The following GDPD5 variants were observed in gnomAD, a reference collection of about 807,000 sequenced individuals.
GDPD5 encodes glycerophosphodiester phosphodiesterase domain containing 5.
A neutral mutation model predicts 75.1 loss-of-function variants in GDPD5; 48 were observed. That is an observed-to-expected ratio of 0.64 (90% CI 0.51 to 0.81). The LOEUF (loss-of-function observed/expected upper bound fraction) is 0.81. GDPD5 is among the 40% of genes least tolerant of loss of function. The probability of loss-of-function intolerance (pLI) is 0.00; values close to 1 mark genes in which losing one functional copy is unlikely to be tolerated. For missense variants in GDPD5, 706 were observed against 822.6 expected (o/e 0.86, Z 1.73); for synonymous variants, 336 against 339.0 (o/e 0.99, Z 0.10).
In GDPD5 at chr11:75,435,268, C is replaced by T. The variant is rs1403463147; in HGVS notation, c.*239G>A. ...GGGGGACCAAGCCCTAGGCCCCATA[C>T]TTCCCAGAAGGAGCCCCAGGCCTGC... On this transcript the variant is annotated 3_prime_UTR_variant, in exon 17 of 17. Coordinates refer to ENST00000336898, the MANE Select transcript of GDPD5 (RefSeq NM_030792.8). 4.4e-6 allele frequency: 2 copies of T among 451,552 alleles called. No homozygotes were observed. The highest frequency in any genetic ancestry group is 7.9e-6 in the Non-Finnish European group (2 of 252,236). 28.0% of individuals were successfully genotyped at this position (451,552 alleles called of 1,614,324 possible).
chr11:75,523,601 T>TTG (rs1941548682), intron 1 of GDPD5, among the ~76,000 whole-genome samples: 2 of 152,224 alleles, frequency 1.3e-5, no homozygotes, highest in Non-Finnish European at 2.9e-5. Flanking sequence ...CATGGATGCA[T>TTG]CAAGAGGTCA....
At chr11:75,447,257 C>T (rs1949008766) in intron 9 of GDPD5, among the ~76,000 whole-genome samples, 3 of 152,128 alleles carry the variant, frequency 2.0e-5, no homozygotes. Flanking sequence ...CATTTGGATC[C>T]TGATTTTTAA....
At position 75,441,814 on chromosome 11, in the gene GDPD5, AAG is replaced by A. The variant is rs1205075090; in HGVS notation, c.1168-13_1168-12del. 3.7e-6 allele frequency: 6 copies of A among 1,602,900 alleles called. No homozygotes were observed. The African/African-American group carries it at 8.0e-5, about 21-fold the overall frequency. On this transcript the variant is annotated splice_polypyrimidine_tract_variant and intron_variant, in intron 12 of 16. Transcript: ENST00000336898. ...AGGCAGCCACATGACCTGCAGGCAG[AAG>A]AGAGGCAGCCTCAGACTTCTCTTCT...
At chr11:75,494,950 TCAACAA>T (rs889807862) in intron 1 of GDPD5, among the ~76,000 whole-genome samples, 12 of 150,818 alleles carry the variant, frequency 8.0e-5, no homozygotes, top group African/African-American at 2.9e-4. Flanking sequence ...AGACTCCATC[TCAACAA>T]CAACAACAAC....
chr11:75,512,258 G>T (rs1207899763), intron 1 of GDPD5, among the ~76,000 whole-genome samples: 4 of 126,604 alleles, frequency 3.2e-5, no homozygotes, highest in Non-Finnish European at 5.0e-5. Flanking sequence ...GTCCCTAACT[G>T]GTAGAAGCAT....
chr11:75,512,868 A>G (rs1198539670), intron 1 of GDPD5, among the ~76,000 whole-genome samples: 1 of 152,202 alleles, frequency 6.6e-6, no homozygotes. Context: ...CCTGGGCAAC[A>G]AGAGCGAAAC....
intron 1 of GDPD5, among the ~76,000 whole-genome samples, chr11:75,518,082 G>A (rs991309243): frequency 1.3e-5 from 2 of 152,246 alleles, no homozygotes; most frequent in African/African-American, 4.8e-5. Flanking sequence ...CAGAGACCTG[G>A]CCTCAGGTGG....
At chr11:75,475,565 G>A (rs536934625) in intron 3 of GDPD5, among the ~76,000 whole-genome samples, 2 of 152,286 alleles carry the variant, frequency 1.3e-5, no homozygotes, top group East Asian at 3.9e-4. Context: ...AAAGAGAAAT[G>A]GGGAGAGAGA....
intron 3 of GDPD5, among the ~76,000 whole-genome samples, chr11:75,471,866 A>C (rs893259141): frequency 1.3e-5 from 2 of 152,154 alleles, no homozygotes; most frequent in African/African-American, 2.4e-5. Context: ...ATGCTGCAAC[A>C]AACCAGCCCC....
intron 1 of GDPD5, among the ~76,000 whole-genome samples, chr11:75,519,234 C>G (rs948384781): frequency 2.0e-5 from 3 of 152,176 alleles, no homozygotes; most frequent in African/African-American, 7.2e-5. Context: ...AGGAGCTACT[C>G]CTCTCTCAGC....
Position 75,444,418 on chromosome 11 carries a change from G to T in GDPD5, c.792C>A (p.Thr264=). ...QKLYGLQADI[T]ISLDGVPFLM... ...CTCCCCTCCGCTACACCTACCTGAT[G>T]GTAATGTCAGCCTGGAGCCCGTACA... The change falls in exon 10 of 17, where the codon ACC becomes ACA. Residue 264 remains threonine, a synonymous_variant. Coordinates refer to ENST00000336898, the MANE Select transcript of GDPD5 (RefSeq NM_030792.8). The T allele has an allele frequency of 6.2e-7, 1 of 1,611,746 alleles. No homozygotes were observed. Among genetic ancestry groups the T allele is most frequent in the South Asian group, 1.1e-5 (1 of 91,034 alleles).
chr11:75,475,894 C>T (rs1949767914), intron 3 of GDPD5, among the ~76,000 whole-genome samples: 1 of 152,216 alleles, frequency 6.6e-6, no homozygotes, highest in Non-Finnish European at 1.5e-5. Context: ...TCTCAGTCAG[C>T]TCAAAACCAG....
intron 1 of GDPD5, among the ~76,000 whole-genome samples, chr11:75,493,653 T>C (rs986657859): frequency 1.3e-5 from 2 of 151,752 alleles, no homozygotes; most frequent in African/African-American, 4.8e-5. Context: ...AGGAGGGAGA[T>C]GGATGCTGCT....
intron 4 of GDPD5, among the ~76,000 whole-genome samples, chr11:75,461,985 A>G (rs948882730): frequency 1.6e-4 from 25 of 152,190 alleles, no homozygotes; most frequent in African/African-American, 6.0e-4. Context: ...TCCTGTACCC[A>G]GGTAAGTGGC....
chr11:75,439,223 G>A (rs1166368432), intron 15 of GDPD5: 2 of 417,068 alleles, frequency 4.8e-6, no homozygotes, highest in East Asian at 7.2e-5. Context: ...CGCGCTGTCT[G>A]CGAGGTGGCC....
intron 2 of GDPD5, among the ~76,000 whole-genome samples, chr11:75,484,999 T>C (rs1225789979): frequency 6.6e-6 from 1 of 152,160 alleles, no homozygotes; most frequent in South Asian, 2.1e-4. Flanking sequence ...ATGAGGAATA[T>C]TATTTGGCAA....
At chr11:75,488,356 C>T (rs1253603898) in intron 2 of GDPD5, among the ~76,000 whole-genome samples, 1 of 152,152 alleles carries the variant, frequency 6.6e-6, no homozygotes, top group Non-Finnish European at 1.5e-5. Flanking sequence ...AAGCCCCTTC[C>T]AGGAGCCCAG....
intron 1 of GDPD5, among the ~76,000 whole-genome samples, chr11:75,519,334 G>A (rs893285802): frequency 5.9e-5 from 9 of 152,162 alleles, no homozygotes; most frequent in Middle Eastern, 3.2e-3. Flanking sequence ...CCCACCCAGC[G>A]CCGGGCAACC....
At chr11:75,500,474 C>T (rs1004493877) in intron 1 of GDPD5, among the ~76,000 whole-genome samples, 1 of 152,158 alleles carries the variant, frequency 6.6e-6, no homozygotes, top group Admixed American at 6.5e-5. Context: ...CCCTTTCTGG[C>T]CCCACCTCAC....
Sources: allele counts gnomAD v4.1 joint callset (sites outside exome capture counted in the v4.1 genomes callset), GRCh38; gene constraint gnomAD v4.1.1; transcripts MANE v1.5; gene names NCBI Gene and HGNC (gene_info 2026-07-23, HGNC 2026-07-21).